Variants in IMPG1 observed in about 807,000 individuals in gnomAD.
IMPG1 encodes the protein interphotoreceptor matrix proteoglycan 1, also known as interphotoreceptor matrix proteoglycan of 150 kDa.
In IMPG1, 85 loss-of-function variants were observed where a neutral mutation model predicts 92.0. That is an observed-to-expected ratio of 0.92 (90% CI 0.78 to 1.11). IMPG1 has a LOEUF of 1.11. IMPG1 is among the 50% of genes least tolerant of loss of function. IMPG1 has a pLI of 0.00. For missense variants in IMPG1, 1,022 were observed against 956.0 expected (o/e 1.07, Z -0.91); for synonymous variants, 367 against 334.1 (o/e 1.10, Z -1.08).
At chr6:75,981,814 T>C (rs987412505) in intron 12 of IMPG1, among the ~76,000 whole-genome samples, 4 of 152,248 alleles carry the variant, frequency 2.6e-5, no homozygotes, top group African/African-American at 7.2e-5. Flanking sequence ...TAATTCTAAA[T>C]GTCTGTTTTT....
chr6:76,000,291 T>G (rs991461580), intron 12 of IMPG1, among the ~76,000 whole-genome samples: 3 of 152,238 alleles, frequency 2.0e-5, no homozygotes, highest in South Asian at 4.1e-4. Context: ...TTATAACACA[T>G]AAAATTAACT....
At chr6:75,934,848 C>G (rs1781717660) in intron 14 of IMPG1, 1 of 427,948 alleles carries the variant, frequency 2.3e-6, no homozygotes, top group African/African-American at 2.0e-5. Context: ...GTCCTACTGG[C>G]TGTGTGCTGA....
chr6:76,054,530 G>T (rs1172664837), intron 1 of IMPG1, among the ~76,000 whole-genome samples: 2 of 152,132 alleles, frequency 1.3e-5, no homozygotes. Context: ...AAAAGACACA[G>T]AGGTTAAAAT....
At chr6:75,984,758 G>A (rs993604793) in intron 12 of IMPG1, among the ~76,000 whole-genome samples, 1 of 152,184 alleles carries the variant, frequency 6.6e-6, no homozygotes, top group Non-Finnish European at 1.5e-5. Context: ...CTTCACGAAT[G>A]GCTTAGTGCC....
chr6:75,991,626 C>T (rs1782814573), intron 12 of IMPG1, among the ~76,000 whole-genome samples: 1 of 152,170 alleles, frequency 6.6e-6, no homozygotes, highest in Non-Finnish European at 1.5e-5. Flanking sequence ...GAACAACCTT[C>T]TCTCTATTCT....
At chr6:76,003,760 A>T in intron 11 of IMPG1, 114 bp downstream of exon 11, 1 of 719,910 alleles carries the variant, frequency 1.4e-6, no homozygotes, top group Non-Finnish European at 2.3e-6. Flanking sequence ...AAAAGAATTT[A>T]ATTAGCATTG....
intron 12 of IMPG1, among the ~76,000 whole-genome samples, chr6:75,985,387 C>T (rs2149471146): frequency 6.6e-6 from 1 of 152,294 alleles, no homozygotes; most frequent in East Asian, 1.9e-4. Flanking sequence ...AAAGGCAGAA[C>T]TGTCTGGCTA....
intron 12 of IMPG1, among the ~76,000 whole-genome samples, chr6:75,981,959 A>G (rs1782634793): frequency 6.6e-6 from 1 of 152,238 alleles, no homozygotes; most frequent in East Asian, 1.9e-4. Context: ...CCTTTAGTGC[A>G]TTACATGCCT....
intron 12 of IMPG1, among the ~76,000 whole-genome samples, chr6:75,985,645 G>A (rs1019475760): frequency 3.3e-5 from 5 of 152,156 alleles, no homozygotes; most frequent in African/African-American, 9.7e-5. Flanking sequence ...TATTGCTTAT[G>A]TTGTTTTATG....
At chr6:75,959,500 G>A (rs1782180642) in intron 12 of IMPG1, among the ~76,000 whole-genome samples, 2 of 152,184 alleles carry the variant, frequency 1.3e-5, no homozygotes, top group Admixed American at 1.3e-4. Context: ...TCTGTCCCAG[G>A]GAGATATGAG....
chr6:75,981,138 C>T (rs554506070), intron 12 of IMPG1, among the ~76,000 whole-genome samples: 38 of 152,320 alleles, frequency 2.5e-4, no homozygotes, highest in African/African-American at 9.1e-4. Context: ...GCCCTCAAGC[C>T]TCTTACATCC....
chr6:76,064,810 A>G (rs1390760560), intron 1 of IMPG1, among the ~76,000 whole-genome samples: 4 of 152,140 alleles, frequency 2.6e-5, no homozygotes, highest in Admixed American at 2.0e-4. Flanking sequence ...AGTAAGTACT[A>G]CCTGCTGGCC....
At chr6:75,964,675 C>CAAA (rs75154439) in intron 12 of IMPG1, among the ~76,000 whole-genome samples, 9,871 of 81,426 alleles carry the variant, frequency 0.12, 671 homozygotes, top group East Asian at 0.42. Context: ...AGACTAGTCT[C>CAAA]AAAAAAAAAA....
In IMPG1 at chr6:76,025,052, G is replaced by A. The variant is rs776772806; in HGVS notation, c.562+142C>T. 3.5e-5 allele frequency: 23 copies of A among 650,356 alleles called. No individual in the cohort carries two copies. In the East Asian group the frequency reaches 6.1e-4, roughly 17 times the overall value. The allele number at this position is 650,356 out of a possible 1,614,324, so 40.3% of individuals were successfully genotyped here. A position where few individuals can be genotyped will look rare whatever the true frequency, so the allele number is the denominator to read the frequency against. ...GTTGTATGCAATAAATTTAAATTAT[G>A]TTATAAAGTTAGAAATATAAGCTAG... On this transcript the variant is annotated intron_variant, in intron 5 of 16. Coordinates refer to ENST00000369950, the MANE Select transcript of IMPG1 (RefSeq NM_001563.4).
At chr6:76,010,332 T>C (rs1783163948) in intron 8 of IMPG1, among the ~76,000 whole-genome samples, 1 of 152,346 alleles carries the variant, frequency 6.6e-6, no homozygotes, top group South Asian at 2.1e-4. Flanking sequence ...ATACCAGGGC[T>C]GATATTTACC....
intron 12 of IMPG1, among the ~76,000 whole-genome samples, chr6:75,990,851 T>C (rs1212139614): frequency 6.6e-6 from 1 of 152,180 alleles, no homozygotes; most frequent in African/African-American, 2.4e-5. Flanking sequence ...CACAGGAGTT[T>C]CTATCCATGC....
At chr6:75,924,496 AATT>A (rs1390446529) in intron 15 of IMPG1, among the ~76,000 whole-genome samples, 2 of 95,292 alleles carry the variant, frequency 2.1e-5, no homozygotes, top group African/African-American at 8.5e-5. Context: ...AATATAATAT[AATT>A]ATATAATATA....
chr6:76,002,212 G>A (rs1783004627), intron 12 of IMPG1, among the ~76,000 whole-genome samples: 1 of 152,122 alleles, frequency 6.6e-6, no homozygotes, highest in South Asian at 2.1e-4. Flanking sequence ...GGTTCTTGGA[G>A]CCACTAAATC....
intron 14 of IMPG1, among the ~76,000 whole-genome samples, chr6:75,938,155 T>A (rs1390844888): frequency 1.3e-5 from 2 of 152,220 alleles, no homozygotes; most frequent in African/African-American, 4.8e-5. Flanking sequence ...CCTAGTGCAG[T>A]AATAACAGCA....
Sources: allele counts gnomAD v4.1 joint callset (sites outside exome capture counted in the v4.1 genomes callset), GRCh38; gene constraint gnomAD v4.1.1; transcripts MANE v1.5; gene names NCBI Gene and HGNC (gene_info 2026-07-23, HGNC 2026-07-21).